Variants in HDAC5 observed in about 807,000 individuals in gnomAD.
HDAC5 encodes the protein histone deacetylase 5.
In HDAC5, 25 loss-of-function variants were observed where a neutral mutation model predicts 133.3. That is an observed-to-expected ratio of 0.19 (90% CI 0.14 to 0.26). The LOEUF (loss-of-function observed/expected upper bound fraction) is 0.26. Ranked by LOEUF, HDAC5 falls within the 10% of genes least tolerant of loss-of-function variation. HDAC5 has a pLI of 1.00. For synonymous variants in HDAC5, 589 were observed against 610.8 expected, an observed-to-expected ratio of 0.96 and a Z score of 0.53; for missense variants, 1,041 against 1,460.5, an observed-to-expected ratio of 0.71 and a Z score of 4.68.
intron 11 of HDAC5, 133 bp downstream of exon 11, chr17:44,091,137 T>C (rs2050925578): frequency 2.6e-6 from 2 of 757,524 alleles, no homozygotes; most frequent in Admixed American, 4.2e-5. Flanking sequence ...AGGTATCCCA[T>C]GTTTCCAGAA....
At position 44,078,031 on chromosome 17, in the gene HDAC5, C is replaced by G; in HGVS notation, c.*345G>C. The G allele has an allele frequency of 4.2e-6, 1 of 239,486 alleles. No homozygotes were observed. The highest frequency in any genetic ancestry group is 8.0e-6 in the Non-Finnish European group (1 of 124,630). The allele number at this position is 239,486 out of a possible 1,614,324, so 14.8% of individuals were successfully genotyped here. A position where few individuals can be genotyped will look rare whatever the true frequency, so the allele number is the denominator to read the frequency against. ...AGGCACCGACTTCCCGTTCCCTCCT[C>G]ACTCGGGGGGCCCCAGAACTGGAGA... On this transcript the variant is annotated 3_prime_UTR_variant, in exon 27 of 27. Transcript: ENST00000682912.
chr17:44,096,675 C>G (rs151268350), intron 3 of HDAC5, among the ~76,000 whole-genome samples: 1,790 of 151,970 alleles, frequency 0.012, 34 homozygotes, highest in African/African-American at 0.041. Context: ...AAGGTTTCAC[C>G]ATGTTGGCCA....
At chr17:44,114,078 T>C (rs1289737049) in intron 2 of HDAC5, among the ~76,000 whole-genome samples, 3 of 152,244 alleles carry the variant, frequency 2.0e-5, no homozygotes, top group Non-Finnish European at 4.4e-5. Context: ...AGGAAAAATG[T>C]GAACACCTAC....
Position 44,088,447 on chromosome 17 carries a change from C to T in HDAC5, c.1539G>A (p.Met513Ile), listed in dbSNP as rs1481368220. 11 of 1,596,754 alleles carry T rather than the reference C, an allele frequency of 6.9e-6. No homozygotes were observed. Among genetic ancestry groups the T allele is most frequent in the East Asian group, 2.3e-5 (1 of 43,996 alleles). The change falls in exon 12 of 27, where the codon ATG becomes ATA. Residue 513 changes from methionine (M) to isoleucine (I), a missense_variant. By Grantham distance (10) the Met-to-Ile change is conservative. Transcript: ENST00000682912. ...QSPQALQQLV[M>I]QQQHQQFLEK... ...CCAGGAACTGCTGGTGCTGTTGTTGCATGACCAGCTGCTGCAGGGCCTGGG... is the reference window on the plus strand; with the variant it reads ...CCAGGAACTGCTGGTGCTGTTGTTGTATGACCAGCTGCTGCAGGGCCTGGG...
In HDAC5 at chr17:44,087,323, T is replaced by TGG. The variant is rs1597950384; in HGVS notation, c.1884+87_1884+88dup. 2.2e-5 allele frequency: 15 copies of TGG among 685,000 alleles called. No homozygotes were observed. The East Asian group carries it at 3.5e-4, about 16-fold the overall frequency. 42.4% of individuals were successfully genotyped at this position (685,000 alleles called of 1,614,324 possible). A position where few individuals can be genotyped will look rare whatever the true frequency, so the allele number is the denominator to read the frequency against. On this transcript the variant is annotated intron_variant, in intron 13 of 26. Coordinates refer to ENST00000682912, the MANE Select transcript of HDAC5 (RefSeq NM_005474.5). ...TCCTGCACAGCCTGGAAACTGCAGA[T>TGG]GGGGGAGAGGGAAAGACAAGGGCAG... is the stretch of plus-strand genomic sequence containing the variant.
rs769295974 is a variant in HDAC5 at position 44,091,721 on chromosome 17, A to G, written c.1143T>C (p.Thr381=). 1.5e-5 allele frequency: 23 copies of G among 1,579,954 alleles called. No individual in the cohort carries two copies. The South Asian group carries it at 2.2e-4, about 15-fold the overall frequency. The change falls in exon 10 of 27, where the codon ACT becomes ACC. Residue 381 remains threonine, a synonymous_variant. Transcript: ENST00000682912. The part of the protein sequence containing the change: ...NISLGLQATV[T]VTNSHLTASP... ...TTACAGTGAGGTGTGAGTTGGTGAC[A>G]GTGACCGTGGCCTGCAGCCCTAGGG...
Position 44,094,324 on chromosome 17 carries a change from GAAA to G in HDAC5, c.95-493_95-491del, listed in dbSNP as rs1011816083. On this transcript the variant is annotated intron_variant, in intron 3 of 26. Coordinates refer to ENST00000682912, the MANE Select transcript of HDAC5 (RefSeq NM_005474.5). Reference sequence around the variant, plus strand: ...GGGTGACAGAGCAAGACTGTCTCCAGAAAAAAAAAAAACAAAAAACAAAAAGGG... The same window carrying G: ...GGGTGACAGAGCAAGACTGTCTCCAGAAAAAAAAACAAAAAACAAAAAGGG... Among the ~76,000 whole-genome samples, 28 of 126,264 alleles carry G rather than the reference GAAA, an allele frequency of 2.2e-4. 1 individual carries two copies. In the Middle Eastern group the frequency reaches 0.013, roughly 57 times the overall value. The allele number at this position is 126,264 out of a possible 152,430, so 82.8% of individuals were successfully genotyped here. A position where few individuals can be genotyped will look rare whatever the true frequency, so the allele number is the denominator to read the frequency against.
chr17:44,084,290 AG>A (rs566326104), intron 16 of HDAC5, among the ~76,000 whole-genome samples: 2 of 152,128 alleles, frequency 1.3e-5, no homozygotes, highest in Non-Finnish European at 2.9e-5. Context: ...GCAGGGAGAG[AG>A]GAGCATGATA....
Position 44,083,796 on chromosome 17 carries a change from C to G in HDAC5, c.2355+9G>C. 6.2e-7 allele frequency: 1 copy of G among 1,612,390 alleles called. No homozygotes were observed. The highest frequency in any genetic ancestry group is 8.5e-7 in the Non-Finnish European group (1 of 1,178,532). ...CCCGCCCACCCCCACTGCTGTACGCCCTACTCACCCCGATGCCCCCACAAG... is the reference window on the plus strand; with the variant it reads ...CCCGCCCACCCCCACTGCTGTACGCGCTACTCACCCCGATGCCCCCACAAG... On this transcript the variant is annotated intron_variant, in intron 17 of 26. Transcript: ENST00000682912.
At chr17:44,113,906 G>A (rs1341660679) in intron 2 of HDAC5, among the ~76,000 whole-genome samples, 1 of 152,208 alleles carries the variant, frequency 6.6e-6, no homozygotes, top group Non-Finnish European at 1.5e-5. Context: ...TGAGATGCCA[G>A]CTTCCCTGAG....
At chr17:44,092,025 C>T in intron 9 of HDAC5, 147 bp downstream of exon 9, 1 of 933,806 alleles carries the variant, frequency 1.1e-6, no homozygotes, top group Non-Finnish European at 1.6e-6. Flanking sequence ...GCAATTAAGT[C>T]CAAGCAAGGA....
rs1567683570 is a variant in HDAC5, at chr17:44,108,764, AAAAAAAAAC to A, written c.94+1956_94+1964del. Among the ~76,000 whole-genome samples, 118 of 146,590 alleles carry A rather than the reference AAAAAAAAAC, an allele frequency of 8.0e-4. 2 individuals carry two copies. Among genetic ancestry groups the A allele is most frequent in the African/African-American group, 2.9e-3 (109 of 37,816 alleles). ...CATTCCAGAGTCCAAAAAAAAAACAAAAAAAAAACAAAAAAAAAACAAGGCTGCCGAGCT... is the reference window on the plus strand; with the variant it reads ...CATTCCAGAGTCCAAAAAAAAAACAAAAAAAAAAAACAAGGCTGCCGAGCT... On this transcript the variant is annotated intron_variant, in intron 3 of 26. Coordinates refer to ENST00000682912, the MANE Select transcript of HDAC5 (RefSeq NM_005474.5).
At chr17:44,118,190 C>T (rs1472423637) in intron 1 of HDAC5, among the ~76,000 whole-genome samples, 2 of 152,222 alleles carry the variant, frequency 1.3e-5, no homozygotes, top group Admixed American at 6.5e-5. Flanking sequence ...GATCCTTGTG[C>T]CACCCAGCTC....
At chr17:44,105,870 C>T (rs1008098317) in intron 3 of HDAC5, among the ~76,000 whole-genome samples, 2 of 152,204 alleles carry the variant, frequency 1.3e-5, no homozygotes, top group South Asian at 2.1e-4. Flanking sequence ...GCTCTTACTC[C>T]AAGGATGGGC....
intron 3 of HDAC5, among the ~76,000 whole-genome samples, chr17:44,103,465 T>C (rs868514144): frequency 2.0e-5 from 3 of 152,096 alleles, no homozygotes; most frequent in Non-Finnish European, 4.4e-5. Context: ...CTCCCCTTCC[T>C]AGGGCAAGAC....
chr17:44,081,588 T>C (rs1242862200), intron 20 of HDAC5: 1 of 149,578 alleles, frequency 6.7e-6, no homozygotes, highest in Non-Finnish European at 1.5e-5. Flanking sequence ...TTCTTTTTTT[T>C]TTTTTTTTGA....
intron 20 of HDAC5, 108 bp downstream of exon 20, chr17:44,082,477 G>T: frequency 1.2e-6 from 1 of 841,380 alleles, no homozygotes. Flanking sequence ...CCGAGGATGA[G>T]GACGACTGGG....
rs1441109689 is a variant in HDAC5, at chr17:44,078,184, G to C, written c.*192C>G. 1.9e-6 allele frequency: 1 copy of C among 525,706 alleles called. No individual in the cohort carries two copies. The allele number at this position is 525,706 out of a possible 1,614,324, so 32.6% of individuals were successfully genotyped here. On this transcript the variant is annotated 3_prime_UTR_variant, in exon 27 of 27. Transcript: ENST00000682912. ...GGCTGGGAAGACACCACCACCCCCTGCAGAGGGAGCAGGCTTCTAGAGCTG... is the reference window on the plus strand; with the variant it reads ...GGCTGGGAAGACACCACCACCCCCTCCAGAGGGAGCAGGCTTCTAGAGCTG...
chr17:44,115,288 C>A (rs766504472), intron 2 of HDAC5, among the ~76,000 whole-genome samples: 12 of 152,174 alleles, frequency 7.9e-5, no homozygotes, highest in Non-Finnish European at 1.5e-4. Context: ...AGGTGGGAGG[C>A]GCTCAGGGGC....
Sources: gnomAD v4.1 joint callset for allele counts (sites outside exome capture counted in the v4.1 genomes callset) on GRCh38, gnomAD v4.1.1 for gene constraint, MANE v1.5 for transcripts, NCBI Gene and HGNC (gene_info 2026-07-23, HGNC 2026-07-21) for gene names.